The following ZNF215 variants were observed in gnomAD, a reference collection of about 807,000 sequenced individuals.
ZNF215 encodes the protein zinc finger protein 215, also known as BWSCR2-associated zinc finger protein 2.
In ZNF215, 24 loss-of-function variants were observed where a neutral mutation model predicts 27.2. The observed-to-expected ratio is 0.88, with a 90% confidence interval of 0.64 to 1.24. The LOEUF is 1.24. ZNF215 is among the 50% of genes most tolerant of loss of function. The pLI, the probability that ZNF215 is intolerant of heterozygous loss-of-function variation, is 0.00. For synonymous variants in ZNF215, 210 were observed against 204.0 expected, an observed-to-expected ratio of 1.03 and a Z score of -0.25; for missense variants, 675 against 605.7, an observed-to-expected ratio of 1.11 and a Z score of -1.20.
chr11:6,938,595 T>C (rs1193852862), intron 3 of ZNF215, among the ~76,000 whole-genome samples: 1 of 128,410 alleles, frequency 7.8e-6, no homozygotes, highest in East Asian at 2.3e-4. Flanking sequence ...GAAGTACTGA[T>C]ACATGTTAAA....
intron 5 of ZNF215, among the ~76,000 whole-genome samples, chr11:6,979,178 T>C (rs1172404863): frequency 6.6e-6 from 1 of 152,064 alleles, no homozygotes; most frequent in African/African-American, 2.4e-5. Context: ...CCAGTCCACC[T>C]TTCTTTGTCC....
At chr11:6,968,338 T>G (rs539993645) in intron 5 of ZNF215, among the ~76,000 whole-genome samples, 3 of 152,290 alleles carry the variant, frequency 2.0e-5, no homozygotes, top group African/African-American at 7.2e-5. Context: ...AGTGGTAGCT[T>G]CATGGGGATA....
At chr11:6,990,178 G>C, downstream of ZNF215, among the ~76,000 whole-genome samples, 1 of 152,142 alleles carries the variant, frequency 6.6e-6, no homozygotes, top group East Asian at 1.9e-4. Flanking sequence ...GAAAGCTTGT[G>C]CCAAAGTATT....
chr11:6,985,911 C>T (rs1851048584), downstream of ZNF215, among the ~76,000 whole-genome samples: 1 of 152,104 alleles, frequency 6.6e-6, no homozygotes, highest in African/African-American at 2.4e-5. Context: ...GTCCCATGCT[C>T]ATGTATTGGA....
chr11:6,960,719 T>G (rs979049906), downstream of ZNF215, among the ~76,000 whole-genome samples: 3 of 152,156 alleles, frequency 2.0e-5, no homozygotes, highest in African/African-American at 7.2e-5. Context: ...ACTCTGGCAC[T>G]GTGGAATTAA....
chr11:6,956,617 T>A lies in ZNF215; in HGVS notation c.*86T>A. 1 of 1,447,440 alleles carries A rather than the reference T, an allele frequency of 6.9e-7. No homozygotes were observed. Among genetic ancestry groups the A allele is most frequent in the South Asian group, 1.6e-5 (1 of 61,962 alleles). 89.7% of individuals were successfully genotyped at this position (1,447,440 alleles called of 1,614,324 possible). A position where few individuals can be genotyped will look rare whatever the true frequency, so the allele number is the denominator to read the frequency against. ...TTTATGCTGGATAAAATCTCATGAA[T>A]ATAATGTAAGAAAACATTTGTCAGA... On this transcript the variant is annotated 3_prime_UTR_variant, in exon 7 of 7. Transcript: ENST00000278319.
At chr11:6,979,830 G>C (rs1256491189) in intron 5 of ZNF215, among the ~76,000 whole-genome samples, 1 of 151,994 alleles carries the variant, frequency 6.6e-6, no homozygotes, top group African/African-American at 2.4e-5. Flanking sequence ...ATTGCTGAGA[G>C]GACTGGGGAT....
chr11:6,940,710 T>G (rs1849606673), intron 3 of ZNF215, among the ~76,000 whole-genome samples: 1 of 152,206 alleles, frequency 6.6e-6, no homozygotes, highest in African/African-American at 2.4e-5. Flanking sequence ...ACTGCATGGT[T>G]TTAAGATTTT....
At chr11:6,986,881 G>C (rs899734871), downstream of ZNF215, among the ~76,000 whole-genome samples, 1 of 152,082 alleles carries the variant, frequency 6.6e-6, no homozygotes, top group Admixed American at 6.6e-5. Flanking sequence ...TGGTGAGGCA[G>C]CATCTGTTTC....
chr11:6,951,663 G>T (rs1475010187), intron 6 of ZNF215, among the ~76,000 whole-genome samples: 6 of 152,154 alleles, frequency 3.9e-5, no homozygotes, highest in East Asian at 1.9e-4. Context: ...TATCAATTTT[G>T]TTGATCCTTT....
chr11:6,939,246 C>T (rs1352861), intron 3 of ZNF215, among the ~76,000 whole-genome samples: 150,011 of 152,260 alleles, frequency 0.99, 73,938 homozygotes, highest in Middle Eastern at 1. Flanking sequence ...AGTGTTGAAG[C>T]AACCTATTAA....
intron 6 of ZNF215, among the ~76,000 whole-genome samples, chr11:6,993,949 A>T (rs973749873): frequency 6.6e-6 from 1 of 152,158 alleles, no homozygotes; most frequent in African/African-American, 2.4e-5. Flanking sequence ...CATAAAAAGC[A>T]TCCTTTCACA....
intron 5 of ZNF215, among the ~76,000 whole-genome samples, chr11:6,983,343 G>A (rs11600682): frequency 0.03 from 4,555 of 152,104 alleles, 99 homozygotes; most frequent in Non-Finnish European, 0.04. Flanking sequence ...GGAGGAACTG[G>A]TACCATTCCT....
downstream of ZNF215, among the ~76,000 whole-genome samples, chr11:6,987,789 CAT>C (rs1227116571): frequency 6.6e-6 from 1 of 152,168 alleles, no homozygotes; most frequent in Non-Finnish European, 1.5e-5. Flanking sequence ...TAAATCTTGA[CAT>C]ATCACAGTAT....
chr11:6,970,449 T>C (rs779794893), intron 5 of ZNF215, among the ~76,000 whole-genome samples: 3 of 152,164 alleles, frequency 2.0e-5, no homozygotes, highest in Non-Finnish European at 4.4e-5. Flanking sequence ...TGTTAGAAAA[T>C]ATTTGGGATT....
At position 6,983,875 on chromosome 11, in the gene ZNF215, A is replaced by T. The variant is rs184391279; in HGVS notation, c.806-254A>T. The stretch of plus-strand genomic sequence containing the variant: ...CAAAGAATATAATCCAAAATTCTAC[A>T]GGAAAAGTCCAAATGAATGATAAAT... On this transcript the variant is annotated intron_variant, in intron 5 of 5. Coordinates refer to the ZNF215 transcript ENST00000529903. Among the ~76,000 whole-genome samples, 146 of 152,048 alleles carry T rather than the reference A, an allele frequency of 9.6e-4. 1 individual carries two copies. Among genetic ancestry groups the T allele is most frequent in the African/African-American group, 3.5e-3 (145 of 41,562 alleles).
At chr11:6,938,696 C>T (rs951726393) in intron 3 of ZNF215, among the ~76,000 whole-genome samples, 4 of 152,018 alleles carry the variant, frequency 2.6e-5, no homozygotes, top group Admixed American at 2.6e-4. Flanking sequence ...TGTGGAATGT[C>T]CAGAATAGGC....
chr11:6,934,233 G>C (rs1564945266), intron 3 of ZNF215, among the ~76,000 whole-genome samples: 1 of 152,152 alleles, frequency 6.6e-6, no homozygotes, highest in Non-Finnish European at 1.5e-5. Context: ...AAATTTTCAA[G>C]AAGTTAATGT....
intron 5 of ZNF215, 93 bp from the exon 6 acceptor site, chr11:6,943,453 A>G: frequency 1.6e-6 from 2 of 1,259,044 alleles, no homozygotes; most frequent in South Asian, 2.7e-5. Flanking sequence ...AGCTTGGATT[A>G]CTGTGTCGGG....
Sources: gnomAD v4.1 joint callset for allele counts (sites outside exome capture counted in the v4.1 genomes callset) on GRCh38, gnomAD v4.1.1 for gene constraint, MANE v1.5 for transcripts, NCBI Gene and HGNC (gene_info 2026-07-23, HGNC 2026-07-21) for gene names.